Variants in PTPRD observed in about 807,000 individuals in gnomAD.
PTPRD encodes the protein receptor-type tyrosine-protein phosphatase delta.
PTPRD carries 34 observed loss-of-function variants against 214.5 expected under a neutral mutation model. The observed-to-expected ratio is 0.16, with a 90% CI of 0.12 to 0.21. The LOEUF is 0.21. PTPRD is among the 10% of genes least tolerant of loss of function. PTPRD has a pLI of 1.00. For missense variants in PTPRD, 2,545 were observed against 2,398.7 expected (o/e 1.06, Z -1.27); for synonymous variants, 1,128 against 845.7 (o/e 1.33, Z -5.79).
At chr9:10,080,970 CTTATT>C (rs1227937978) in intron 3 of PTPRD, among the ~76,000 whole-genome samples, 1 of 151,944 alleles carries the variant, frequency 6.6e-6, no homozygotes, top group African/African-American at 2.4e-5. Context: ...ACAATTATCT[CTTATT>C]TTAAGAGACT....
At chr9:8,693,799 A>G (rs2097855370) in intron 12 of PTPRD, among the ~76,000 whole-genome samples, 1 of 152,220 alleles carries the variant, frequency 6.6e-6, no homozygotes, top group Non-Finnish European at 1.5e-5. Flanking sequence ...ACACCTACAC[A>G]CACAAAACAC....
At chr9:8,625,169 CAAATT>C (rs1358584566) in intron 14 of PTPRD, among the ~76,000 whole-genome samples, 1 of 151,560 alleles carries the variant, frequency 6.6e-6, no homozygotes, top group Admixed American at 6.6e-5. Flanking sequence ...TGCTATGAAG[CAAATT>C]AAACAGGTCA....
intron 32 of PTPRD, among the ~76,000 whole-genome samples, chr9:8,464,747 G>A (rs577420110): frequency 6.7e-6 from 1 of 150,178 alleles, no homozygotes; most frequent in East Asian, 2.0e-4. Flanking sequence ...AGTAACTGAA[G>A]CATAAAATGA....
At chr9:8,508,513 T>C (rs1433173737) in intron 21 of PTPRD, among the ~76,000 whole-genome samples, 1 of 152,170 alleles carries the variant, frequency 6.6e-6, no homozygotes, top group African/African-American at 2.4e-5. Context: ...CATGTCTCAA[T>C]GTGCTGTGGC....
chr9:9,985,972 T>C (rs1464421696), intron 4 of PTPRD, among the ~76,000 whole-genome samples: 1 of 152,130 alleles, frequency 6.6e-6, no homozygotes, highest in African/African-American at 2.4e-5. Context: ...ATTTTACTCA[T>C]TGGAAGACTA....
At chr9:10,010,899 A>AT (rs1179169764) in intron 4 of PTPRD, among the ~76,000 whole-genome samples, 8 of 151,974 alleles carry the variant, frequency 5.3e-5, no homozygotes, top group Admixed American at 5.3e-4. Context: ...AAAGAAAAAA[A>AT]AATCTAGGTA....
intron 9 of PTPRD, among the ~76,000 whole-genome samples, chr9:9,221,401 G>C (rs542153906): frequency 6.6e-6 from 1 of 152,054 alleles, no homozygotes; most frequent in African/African-American, 2.4e-5. Context: ...AATAACATCT[G>C]TATTAGTTGG....
At chr9:9,094,023 G>A (rs2099779990) in intron 10 of PTPRD, among the ~76,000 whole-genome samples, 1 of 152,010 alleles carries the variant, frequency 6.6e-6, no homozygotes, top group South Asian at 2.1e-4. Context: ...AGAATATTAA[G>A]CTCAACTTTA....
At chr9:9,326,516 A>G (rs1052550105) in intron 9 of PTPRD, among the ~76,000 whole-genome samples, 2 of 152,126 alleles carry the variant, frequency 1.3e-5, no homozygotes, top group African/African-American at 4.8e-5. Context: ...AGTGAGGGGT[A>G]ATAATTATAA....
intron 11 of PTPRD, among the ~76,000 whole-genome samples, chr9:8,979,921 C>G (rs1013136502): frequency 7.2e-5 from 11 of 152,046 alleles, no homozygotes; most frequent in East Asian, 1.9e-4. Flanking sequence ...CCCATGTTCA[C>G]TGCAGTAATA....
At chr9:9,102,727 A>G (rs1329183068) in intron 10 of PTPRD, among the ~76,000 whole-genome samples, 1 of 152,260 alleles carries the variant, frequency 6.6e-6, no homozygotes, top group South Asian at 2.1e-4. Context: ...GGTTACTGTT[A>G]TAAGTGACCC....
chr9:9,203,075 T>C (rs985956183), intron 9 of PTPRD, among the ~76,000 whole-genome samples: 5 of 152,134 alleles, frequency 3.3e-5, no homozygotes, highest in African/African-American at 1.2e-4. Flanking sequence ...ATATTTTAGA[T>C]ACAAGTTTAA....
At chr9:8,469,420 T>TA (rs2096609887) in intron 31 of PTPRD, among the ~76,000 whole-genome samples, 1 of 152,080 alleles carries the variant, frequency 6.6e-6, no homozygotes, top group Non-Finnish European at 1.5e-5. Context: ...TCATAGATTC[T>TA]ACAAGTTGCC....
chr9:9,810,843 C>A (rs1041522506), intron 5 of PTPRD, among the ~76,000 whole-genome samples: 2 of 151,600 alleles, frequency 1.3e-5, no homozygotes, highest in South Asian at 2.1e-4. Flanking sequence ...TCTGATGGAT[C>A]TGGGCAAAGT....
At chr9:8,897,564 G>C (rs992411720) in intron 11 of PTPRD, among the ~76,000 whole-genome samples, 14 of 152,200 alleles carry the variant, frequency 9.2e-5, no homozygotes, top group African/African-American at 3.4e-4. Flanking sequence ...TTCGCCATGA[G>C]CTGTCTGCAC....
At chr9:9,220,568 G>A (rs1018581199) in intron 9 of PTPRD, among the ~76,000 whole-genome samples, 3 of 152,036 alleles carry the variant, frequency 2.0e-5, no homozygotes, top group Non-Finnish European at 4.4e-5. Context: ...GATGCTCCAT[G>A]ATATAATAGC....
At chr9:8,699,913 G>A (rs1233561585) in intron 12 of PTPRD, among the ~76,000 whole-genome samples, 5 of 152,094 alleles carry the variant, frequency 3.3e-5, no homozygotes, top group African/African-American at 1.2e-4. Context: ...CATTTTGTAG[G>A]CCCTGATTGA....
chr9:9,825,398 GAGAGAGAA>G (rs1269518370), intron 5 of PTPRD, among the ~76,000 whole-genome samples: 5 of 103,700 alleles, frequency 4.8e-5, no homozygotes, highest in African/African-American at 1.9e-4. Context: ...GAGAGAGACA[GAGAGAGAA>G]AGAGAGAGAG....
intron 2 of PTPRD, among the ~76,000 whole-genome samples, chr9:10,342,674 G>A (rs879720947): frequency 2.0e-5 from 3 of 151,876 alleles, no homozygotes; most frequent in African/African-American, 7.3e-5. Flanking sequence ...TATTCCATGT[G>A]GTGTTTTATA....
Sources: gnomAD v4.1 joint callset for allele counts (sites outside exome capture counted in the v4.1 genomes callset) on GRCh38, gnomAD v4.1.1 for gene constraint, MANE v1.5 for transcripts, NCBI Gene and HGNC (gene_info 2026-07-23, HGNC 2026-07-21) for gene names.